COG2: variants seen among roughly 807,000 people sequenced by gnomAD.
COG2 encodes component of oligomeric golgi complex 2.
Under a neutral mutation model 90.6 loss-of-function variants are expected in COG2, and 52 were observed. That is an observed-to-expected ratio of 0.57 (90% CI 0.46 to 0.72). The LOEUF (loss-of-function observed/expected upper bound fraction) is 0.72. Among genes scored for constraint, COG2 ranks in the 30% least tolerant of loss-of-function variants. COG2 has a pLI of 0.00. For synonymous variants in COG2, 337 were observed against 320.4 expected (o/e 1.05, Z -0.55); for missense variants, 829 against 891.2 (o/e 0.93, Z 0.89).
Position 230,669,403 on chromosome 1 carries a change from C to G in COG2, c.642C>G (p.Leu214=). ...TAMLQQSLEG[L]LLEGLQTSDV... is the part of the protein sequence containing the mutation. ...TGTTACAGCAGTCACTGGAAGGTCT[C>G]CTATTAGAAGGCCTTCAGACGTCTG... Residue 214 remains leucine (L), a synonymous_variant, in exon 7 of 18, where the codon CTC becomes CTG. Transcript: ENST00000366669. 1 of 1,613,990 alleles carries G rather than the reference C, an allele frequency of 6.2e-7. No homozygotes were observed. The highest frequency in any genetic ancestry group is 8.5e-7 in the Non-Finnish European group (1 of 1,179,868).
At chr1:230,675,789 G>A (rs976039196) in intron 9 of COG2, among the ~76,000 whole-genome samples, 1 of 151,992 alleles carries the variant, frequency 6.6e-6, no homozygotes, top group African/African-American at 2.4e-5. Flanking sequence ...GGGATTTCAG[G>A]CGCACACCAC....
chr1:230,690,402 ATC>A, intron 16 of COG2: 1 of 356,618 alleles, frequency 2.8e-6, no homozygotes, highest in East Asian at 5.0e-5. Context: ...GTGCCCCCGC[ATC>A]TCCAGGCCCT....
chr1:230,691,411 A>G lies in COG2; in HGVS notation c.1962A>G (p.Leu654=). The change falls in exon 17 of 18, where the codon TTA becomes TTG. Residue 654 remains leucine, a synonymous_variant. Coordinates refer to ENST00000366669, the MANE Select transcript of COG2 (RefSeq NM_007357.3). ...HKYYETVSDV[L]NSVKKMEESL... Reference sequence around the variant, plus strand: ...ACTATGAAACCGTGTCAGATGTATTAAACTCTGTGAAGAAGATGGAAGAGA... The same window carrying G: ...ACTATGAAACCGTGTCAGATGTATTGAACTCTGTGAAGAAGATGGAAGAGA... 6.2e-7 allele frequency: 1 copy of G among 1,614,058 alleles called. No homozygotes were observed. The highest frequency in any genetic ancestry group is 8.5e-7 in the Non-Finnish European group (1 of 1,180,000).
At position 230,642,521 on chromosome 1, in the gene COG2, C is replaced by T. The variant is rs542718264; in HGVS notation, c.-86C>T. 3.0e-5 allele frequency: 40 copies of T among 1,354,608 alleles called. No individual in the cohort carries two copies. In the African/African-American group the frequency reaches 5.1e-4, roughly 17 times the overall value. 83.9% of individuals were successfully genotyped at this position (1,354,608 alleles called of 1,614,324 possible). The stretch of plus-strand genomic sequence containing the variant: ...GACCCCCCTGTGCCGTGGAAACTGG[C>T]GGTGGCCGCGGCCGCCGAGTCGGTC... On this transcript the variant is annotated 5_prime_UTR_variant, in exon 1 of 18. Transcript: ENST00000366669.
intron 6 of COG2, 86 bp downstream of exon 6, chr1:230,668,870 C>A: frequency 1.2e-6 from 1 of 848,876 alleles, no homozygotes; most frequent in Non-Finnish European, 1.8e-6. Flanking sequence ...TGTTGATCTA[C>A]AGGGTTTTGA....
intron 9 of COG2, chr1:230,678,066 T>G: frequency 1.0e-6 from 1 of 985,396 alleles, no homozygotes; most frequent in Non-Finnish European, 1.2e-6. Context: ...TTTAGCATAT[T>G]TAGATTAATG....
chr1:230,680,703 C>T (rs546798457), intron 10 of COG2: 1 of 152,226 alleles, frequency 6.6e-6, no homozygotes, highest in South Asian at 2.1e-4. Flanking sequence ...TAAAAAAACA[C>T]GTTTGAGTTA....
chr1:230,667,573 C>G (rs1238321570), intron 5 of COG2, among the ~76,000 whole-genome samples: 1 of 152,138 alleles, frequency 6.6e-6, no homozygotes, highest in Non-Finnish European at 1.5e-5. Context: ...ATATACCATG[C>G]TTGTTAAGCC....
At chr1:230,658,899 A>G (rs1446967154) in intron 1 of COG2, among the ~76,000 whole-genome samples, 8 of 152,208 alleles carry the variant, frequency 5.3e-5, no homozygotes. Flanking sequence ...AAAGACATCC[A>G]AGTTGTATTG....
intron 8 of COG2, among the ~76,000 whole-genome samples, chr1:230,672,631 G>T (rs181212666): frequency 1.9e-4 from 28 of 150,436 alleles, no homozygotes; most frequent in Non-Finnish European, 3.7e-4. Flanking sequence ...AGGAGTTCAA[G>T]ACCAGCCTGG....
At chr1:230,644,795 C>T (rs983981828) in intron 1 of COG2, among the ~76,000 whole-genome samples, 3 of 152,082 alleles carry the variant, frequency 2.0e-5, no homozygotes, top group African/African-American at 7.2e-5. Flanking sequence ...GAGTTACAGT[C>T]AGGTTAAAAG....
intron 2 of COG2, 139 bp downstream of exon 2, chr1:230,659,764 C>A: frequency 1.3e-6 from 1 of 758,950 alleles, no homozygotes; most frequent in African/African-American, 1.8e-5. Flanking sequence ...CTAATGTCAT[C>A]AATAAAATAA....
At position 230,668,710 on chromosome 1, in the gene COG2, G is replaced by C; in HGVS notation, c.520G>C (p.Ala174Pro). Residue 174 changes from alanine to proline, a missense_variant, in exon 6 of 18, where the codon GCC (alanine) becomes CCC (proline). Ala to Pro is a conservative substitution (Grantham distance 27, BLOSUM62 -1). Coordinates refer to ENST00000366669, the MANE Select transcript of COG2 (RefSeq NM_007357.3). ...GACTGGACAAATTTTGGAGAGAATT[G>C]CCACAGAATTTAATCAGTTACAGTT... Reference protein sequence around the residue: ...LLTGQILERIATEFNQLQFHA... With the variant: ...LLTGQILERIPTEFNQLQFHA... The C allele has an allele frequency of 6.2e-7, 1 of 1,612,552 alleles. No individual in the cohort carries two copies. The highest frequency in any genetic ancestry group is 8.5e-7 in the Non-Finnish European group (1 of 1,179,192).
intron 1 of COG2, among the ~76,000 whole-genome samples, chr1:230,657,045 A>C (rs1662074187): frequency 6.6e-6 from 1 of 152,134 alleles, no homozygotes; most frequent in African/African-American, 2.4e-5. Context: ...GGGTCTTTTA[A>C]CTGGGGCATT....
Position 230,642,681 on chromosome 1 carries a change from G to A in COG2, c.72+3G>A, listed in dbSNP as rs1447773662. On this transcript the variant is annotated splice_donor_region_variant and intron_variant, in intron 1 of 17. Coordinates refer to ENST00000366669, the MANE Select transcript of COG2 (RefSeq NM_007357.3). Reference sequence around the variant, plus strand: ...TCGACAAGGACGAGTTCATGAAGGTGCGCGCGGCGTCCGCTCCCCGGAGCC... The same window carrying A: ...TCGACAAGGACGAGTTCATGAAGGTACGCGCGGCGTCCGCTCCCCGGAGCC... 12 of 1,611,706 alleles carry A rather than the reference G, an allele frequency of 7.4e-6. No homozygotes were observed. Among genetic ancestry groups the A allele is most frequent in the Non-Finnish European group, 9.3e-6 (11 of 1,179,144 alleles).
chr1:230,688,827 G>GA (rs1407604205), intron 15 of COG2, among the ~76,000 whole-genome samples: 1 of 152,144 alleles, frequency 6.6e-6, no homozygotes, highest in Non-Finnish European at 1.5e-5. Context: ...TGGTCTTGAG[G>GA]AAAAGTAGGT....
intron 3 of COG2, among the ~76,000 whole-genome samples, chr1:230,661,972 C>A (rs1001160737): frequency 1.3e-5 from 2 of 152,116 alleles, no homozygotes. Flanking sequence ...TTCCTACCCC[C>A]ACCCTTGGAG....
chr1:230,679,275 C>G (rs1558277189), intron 10 of COG2: 2 of 408,280 alleles, frequency 4.9e-6, no homozygotes, highest in Admixed American at 7.9e-5. Flanking sequence ...AATTGGAGAG[C>G]TCAGAACACA....
chr1:230,687,646 ACT>A (rs1295640580), intron 13 of COG2, among the ~76,000 whole-genome samples: 7 of 152,028 alleles, frequency 4.6e-5, no homozygotes, highest in Non-Finnish European at 1.0e-4. Context: ...TGTAACATCA[ACT>A]CTGTGGGGTG....
Sources: gnomAD v4.1 joint callset for allele counts (sites outside exome capture counted in the v4.1 genomes callset) on GRCh38, gnomAD v4.1.1 for gene constraint, MANE v1.5 for transcripts, NCBI Gene and HGNC (gene_info 2026-07-23, HGNC 2026-07-21) for gene names.